NCAM2: variants seen among roughly 807,000 people sequenced by gnomAD.
NCAM2 encodes the protein N-CAM-2.
NCAM2 carries 30 observed loss-of-function variants against 98.1 expected under a neutral mutation model. The observed-to-expected ratio is 0.31, with a 90% CI of 0.23 to 0.41. The LOEUF is 0.41. Among genes scored for constraint, NCAM2 ranks in the 10% least tolerant of loss-of-function variants. NCAM2 has a pLI of 1.00. For missense variants in NCAM2, 867 were observed against 1,005.8 expected (o/e 0.86, Z 1.87); for synonymous variants, 368 against 342.4 (o/e 1.07, Z -0.83).
intron 12 of NCAM2, among the ~76,000 whole-genome samples, chr21:21,466,348 T>G (rs1320533275): frequency 6.6e-6 from 1 of 151,944 alleles, no homozygotes; most frequent in East Asian, 1.9e-4. Context: ...TTTGAGAATG[T>G]GTCACAAATG....
At chr21:21,013,044 A>G (rs2064239003) in intron 1 of NCAM2, among the ~76,000 whole-genome samples, 1 of 152,160 alleles carries the variant, frequency 6.6e-6, no homozygotes, top group Admixed American at 6.5e-5. Flanking sequence ...AGACACAACA[A>G]TATTGAAATT....
chr21:21,336,837 A>C (rs1418986339), intron 7 of NCAM2, among the ~76,000 whole-genome samples: 1 of 152,226 alleles, frequency 6.6e-6, no homozygotes, highest in Non-Finnish European at 1.5e-5. Context: ...ATAAATCAGG[A>C]AGCATTGAAT....
chr21:21,014,049 A>G (rs1429868426), intron 1 of NCAM2, among the ~76,000 whole-genome samples: 1 of 152,198 alleles, frequency 6.6e-6, no homozygotes, highest in Non-Finnish European at 1.5e-5. Context: ...CTTGGCTTCA[A>G]AGTTGCAAAG....
chr21:21,419,685 T>G (rs61389459), intron 11 of NCAM2, among the ~76,000 whole-genome samples: 4 of 151,700 alleles, frequency 2.6e-5, no homozygotes, highest in Admixed American at 2.0e-4. Flanking sequence ...ACAGAGGACA[T>G]GAACTCTTCA....
rs562599077 is a variant in NCAM2 at position 21,430,896 on chromosome 21, A to T, written c.1481-1212A>T. On this transcript the variant is annotated intron_variant, in intron 11 of 17. Transcript: ENST00000400546. ...CCCTATCTCTACTAAAAATACAAAA[A>T]TTAGCTGGGCGTGGTGGTGCGCACC... Among the ~76,000 whole-genome samples, 3 of 151,848 alleles carry T rather than the reference A, an allele frequency of 2.0e-5. No homozygotes were observed. The East Asian group carries it at 5.9e-4, about 30-fold the overall frequency.
intron 1 of NCAM2, among the ~76,000 whole-genome samples, chr21:21,038,732 A>C (rs1057289697): frequency 2.3e-4 from 35 of 152,296 alleles, no homozygotes; most frequent in African/African-American, 8.4e-4. Context: ...TCTTCATAGC[A>C]GTGTGAGAAC....
At chr21:21,254,224 G>A (rs2071579350) in intron 1 of NCAM2, among the ~76,000 whole-genome samples, 2 of 152,144 alleles carry the variant, frequency 1.3e-5, no homozygotes, top group Non-Finnish European at 2.9e-5. Context: ...TTCTTAGACA[G>A]AATTTATAAC....
chr21:21,368,591 C>G (rs1042099074), intron 8 of NCAM2, among the ~76,000 whole-genome samples: 1 of 151,850 alleles, frequency 6.6e-6, no homozygotes, highest in African/African-American at 2.4e-5. Flanking sequence ...TGAGGGCTCA[C>G]TTTGTCAAAG....
chr21:21,024,062 A>C (rs1004601533), intron 1 of NCAM2, among the ~76,000 whole-genome samples: 1 of 152,214 alleles, frequency 6.6e-6, no homozygotes, highest in Non-Finnish European at 1.5e-5. Context: ...CATCGGTAAT[A>C]ATACACTTGT....
intron 12 of NCAM2, among the ~76,000 whole-genome samples, chr21:21,457,816 T>C (rs1274574899): frequency 1.3e-5 from 2 of 152,090 alleles, no homozygotes; most frequent in African/African-American, 4.8e-5. Flanking sequence ...GCTAGAGAAA[T>C]ACATGATTTA....
intron 1 of NCAM2, among the ~76,000 whole-genome samples, chr21:21,149,358 A>C (rs1414754043): frequency 6.6e-6 from 1 of 152,004 alleles, no homozygotes; most frequent in African/African-American, 2.4e-5. Flanking sequence ...AATATTTCTC[A>C]ATTTATTTAG....
chr21:21,229,217 T>C (rs947629252), intron 1 of NCAM2, among the ~76,000 whole-genome samples: 6 of 151,566 alleles, frequency 4.0e-5, no homozygotes, highest in Non-Finnish European at 7.4e-5. Flanking sequence ...CCTAAATGCA[T>C]TATCAAATGC....
rs961013345 is a variant in NCAM2, at chr21:21,537,122, GGA to G, written c.2403-722_2403-721del. The stretch of plus-strand genomic sequence containing the variant: ...AATAATAATTATTATTATTTGAGAT[GGA>G]GTCTTGCTCTGTTGCCCAGGCTGAA... On this transcript the variant is annotated intron_variant, in intron 17 of 17. Transcript: ENST00000400546. Among the ~76,000 whole-genome samples, 84 of 151,756 alleles carry G rather than the reference GGA, an allele frequency of 5.5e-4. 1 individual carries two copies. The highest frequency in any genetic ancestry group is 5.9e-4 in the Non-Finnish European group (40 of 67,956).
intron 16 of NCAM2, among the ~76,000 whole-genome samples, chr21:21,520,578 GT>G (rs1160122469): frequency 2.0e-5 from 3 of 152,128 alleles, no homozygotes; most frequent in Non-Finnish European, 1.5e-5. Context: ...AATACTCCCG[GT>G]TTTCAGCCCA....
intron 9 of NCAM2, among the ~76,000 whole-genome samples, chr21:21,383,946 C>T (rs1223301667): frequency 6.6e-6 from 1 of 151,900 alleles, no homozygotes; most frequent in African/African-American, 2.4e-5. Context: ...TTCTTTCTGT[C>T]AGTGTATCAG....
chr21:21,133,440 C>T (rs1354114815), intron 1 of NCAM2, among the ~76,000 whole-genome samples: 8 of 152,198 alleles, frequency 5.3e-5, no homozygotes, highest in Admixed American at 3.3e-4. Flanking sequence ...ACACAGTTCA[C>T]GTCCACTCCT....
chr21:21,257,022 G>A (rs1187576866), intron 1 of NCAM2, among the ~76,000 whole-genome samples: 1 of 152,192 alleles, frequency 6.6e-6, no homozygotes, highest in African/African-American at 2.4e-5. Context: ...TTTTAATCAA[G>A]CTGCTAAAGT....
chr21:21,538,915 C>A lies in NCAM2; in HGVS notation c.*958C>A, dbSNP rs1323125318. 6.6e-6 allele frequency: 1 copy of A among 152,042 alleles called. No individual in the cohort carries two copies. The highest frequency in any genetic ancestry group is 2.4e-5 in the African/African-American group (1 of 41,430). The allele number at this position is 152,042 out of a possible 1,614,324, so 9.4% of individuals were successfully genotyped here. On this transcript the variant is annotated 3_prime_UTR_variant, in exon 18 of 18. Coordinates refer to ENST00000400546, the MANE Select transcript of NCAM2 (RefSeq NM_004540.5). ...TTTTTAGCCCATGGTTTTATATAAT[C>A]TTTAAGAACTAATTTTACCACTGTT...
intron 15 of NCAM2, among the ~76,000 whole-genome samples, chr21:21,506,230 T>C (rs1339217286): frequency 6.6e-6 from 1 of 152,242 alleles, no homozygotes; most frequent in East Asian, 1.9e-4. Flanking sequence ...ACCACAATTG[T>C]ATATTTTTTT....
Sources: allele counts gnomAD v4.1 joint callset (sites outside exome capture counted in the v4.1 genomes callset), GRCh38; gene constraint gnomAD v4.1.1; transcripts MANE v1.5; gene names NCBI Gene and HGNC (gene_info 2026-07-23, HGNC 2026-07-21).